Variants in CLDN10 observed in about 807,000 individuals in gnomAD.
CLDN10 encodes the protein claudin-10.
CLDN10 carries 15 observed loss-of-function variants against 22.9 expected under a neutral mutation model. The ratio of observed to expected loss-of-function variants is 0.65; its 90% CI spans 0.44 to 1.01. CLDN10 has a LOEUF of 1.01. Among genes scored for constraint, CLDN10 ranks in the 50% least tolerant of loss-of-function variants. CLDN10 has a pLI of 0.00. For synonymous variants in CLDN10, 114 were observed against 111.4 expected (o/e 1.02, Z -0.15); for missense variants, 247 against 287.8 (o/e 0.86, Z 1.03).
At chr13:95,479,149 G>T (rs1372359940) in intron 1 of CLDN10, among the ~76,000 whole-genome samples, 7 of 152,216 alleles carry the variant, frequency 4.6e-5, no homozygotes, top group African/African-American at 1.7e-4. Flanking sequence ...AGGAGTTCAA[G>T]AACAGCCTGG....
chr13:95,492,791 G>A (rs1402240539), intron 1 of CLDN10, among the ~76,000 whole-genome samples: 4 of 152,158 alleles, frequency 2.6e-5, no homozygotes, highest in Admixed American at 2.6e-4. Flanking sequence ...GATCCCTGTG[G>A]TGTCAGGCAG....
At chr13:95,537,849 C>A (rs2043416874) in intron 1 of CLDN10, among the ~76,000 whole-genome samples, 1 of 152,148 alleles carries the variant, frequency 6.6e-6, no homozygotes. Flanking sequence ...GGCTTCCAGC[C>A]CCTAAAAGTG....
At chr13:95,475,736 C>T (rs2042678967) in intron 1 of CLDN10, among the ~76,000 whole-genome samples, 1 of 152,168 alleles carries the variant, frequency 6.6e-6, no homozygotes, top group African/African-American at 2.4e-5. Context: ...GGTCTATCCT[C>T]ATGTGCTCTC....
chr13:95,473,159 A>T (rs867202038), intron 1 of CLDN10, among the ~76,000 whole-genome samples: 9 of 95,958 alleles, frequency 9.4e-5, no homozygotes, highest in Admixed American at 9.0e-4. Context: ...AAAAAAAAAA[A>T]GGAGAGAGAG....
intron 1 of CLDN10, among the ~76,000 whole-genome samples, chr13:95,527,121 G>A (rs754238255): frequency 1.3e-5 from 2 of 152,022 alleles, no homozygotes; most frequent in Non-Finnish European, 2.9e-5. Flanking sequence ...AGCTTCCAGG[G>A]GCCTGCTAAT....
intron 1 of CLDN10, among the ~76,000 whole-genome samples, chr13:95,533,141 C>T (rs1447737294): frequency 6.6e-6 from 1 of 150,526 alleles, no homozygotes; most frequent in African/African-American, 2.4e-5. Flanking sequence ...ATATTAATAT[C>T]TAGCTAGTGA....
At chr13:95,515,601 A>G (rs2138572248) in intron 1 of CLDN10, among the ~76,000 whole-genome samples, 1 of 152,280 alleles carries the variant, frequency 6.6e-6, no homozygotes, top group South Asian at 2.1e-4. Flanking sequence ...AACCAAGAGA[A>G]ACTGTGGTCA....
At chr13:95,565,621 C>T (rs2043776479) in intron 3 of CLDN10, among the ~76,000 whole-genome samples, 1 of 151,882 alleles carries the variant, frequency 6.6e-6, no homozygotes, top group Non-Finnish European at 1.5e-5. Flanking sequence ...AAACAACTAC[C>T]TACTTTCTTT....
intron 1 of CLDN10, among the ~76,000 whole-genome samples, chr13:95,500,102 ACTGACTGC>A (rs1426493252): frequency 6.6e-6 from 1 of 152,196 alleles, no homozygotes; most frequent in Non-Finnish European, 1.5e-5. Context: ...GCAAATACTT[ACTGACTGC>A]CTGCTATGTG....
intron 1 of CLDN10, among the ~76,000 whole-genome samples, chr13:95,521,297 G>C (rs1391591217): frequency 6.6e-6 from 1 of 152,142 alleles, no homozygotes; most frequent in Non-Finnish European, 1.5e-5. Flanking sequence ...TTATCAATAA[G>C]TATAAGGTTT....
chr13:95,533,852 T>C (rs1161972489), intron 1 of CLDN10: 1 of 152,454 alleles, frequency 6.6e-6, no homozygotes, highest in East Asian at 1.9e-4. Context: ...TCTCTCTTTC[T>C]CCCACCACAG....
At chr13:95,563,710 AC>A (rs969270485) in intron 3 of CLDN10, among the ~76,000 whole-genome samples, 55 of 152,284 alleles carry the variant, frequency 3.6e-4, no homozygotes, top group African/African-American at 1.3e-3. Context: ...GATTCTAATT[AC>A]CCACAATGAT....
chr13:95,523,543 A>T (rs35227895), intron 1 of CLDN10, among the ~76,000 whole-genome samples: 15,146 of 151,884 alleles, frequency 0.1, 926 homozygotes, highest in Middle Eastern at 0.13. Flanking sequence ...ATTTCCTTTG[A>T]TGTAGATCTA....
intron 1 of CLDN10, among the ~76,000 whole-genome samples, chr13:95,496,832 G>C (rs1268165471): frequency 6.6e-6 from 1 of 152,184 alleles, no homozygotes; most frequent in African/African-American, 2.4e-5. Context: ...GGGGACCCAA[G>C]CCTCCAGTAC....
chr13:95,558,553 G>A (rs1305336227), intron 1 of CLDN10, among the ~76,000 whole-genome samples: 4 of 152,224 alleles, frequency 2.6e-5, no homozygotes, highest in African/African-American at 9.7e-5. Context: ...TTACAATTAA[G>A]TAGAGCAGCT....
intron 1 of CLDN10, among the ~76,000 whole-genome samples, chr13:95,512,817 T>G (rs1380023064): frequency 6.6e-6 from 1 of 152,214 alleles, no homozygotes; most frequent in Non-Finnish European, 1.5e-5. Flanking sequence ...CCACAGAAAG[T>G]GCCAGGTTTT....
At chr13:95,525,437 G>A (rs368130384) in intron 1 of CLDN10, among the ~76,000 whole-genome samples, 1 of 151,968 alleles carries the variant, frequency 6.6e-6, no homozygotes, top group East Asian at 1.9e-4. Flanking sequence ...CATTCTGTGG[G>A]TTGTCTACTA....
intron 3 of CLDN10, among the ~76,000 whole-genome samples, chr13:95,565,128 C>A (rs1385096354): frequency 2.5e-4 from 33 of 134,268 alleles, no homozygotes; most frequent in Non-Finnish European, 4.8e-4. Flanking sequence ...ACTAACAAAT[C>A]TGAAAAAAAA....
intron 1 of CLDN10, among the ~76,000 whole-genome samples, chr13:95,537,635 A>C (rs2043414416): frequency 6.6e-6 from 1 of 152,216 alleles, no homozygotes; most frequent in Admixed American, 6.5e-5. Context: ...TCTTTACTTG[A>C]AATATATAAA....
Sources: allele counts gnomAD v4.1 joint callset (sites outside exome capture counted in the v4.1 genomes callset), GRCh38; gene constraint gnomAD v4.1.1; transcripts MANE v1.5; gene names NCBI Gene and HGNC (gene_info 2026-07-23, HGNC 2026-07-21).